FIGN: variants seen among roughly 807,000 people sequenced by gnomAD.
FIGN encodes the protein fidgetin, microtubule severing factor, also known as fidgetin.
Under a neutral mutation model 51.3 loss-of-function variants are expected in FIGN, and 11 were observed. The ratio of observed to expected loss-of-function variants is 0.21; its 90% CI spans 0.13 to 0.35. FIGN has a LOEUF of 0.35. FIGN is among the 10% of genes least tolerant of loss of function. The pLI is 1.00. For synonymous variants in FIGN, 407 were observed against 363.2 expected (o/e 1.12, Z -1.37); for missense variants, 857 against 943.6 (o/e 0.91, Z 1.20).
chr2:163,643,491 A>T (rs1683334489), intron 2 of FIGN, among the ~76,000 whole-genome samples: 1 of 150,142 alleles, frequency 6.7e-6, no homozygotes, highest in Non-Finnish European at 1.5e-5. Context: ...TCTCTACTAA[A>T]TATACAAAAA....
chr2:163,718,815 T>TTA (rs1040983357), intron 2 of FIGN, among the ~76,000 whole-genome samples: 31 of 148,008 alleles, frequency 2.1e-4, no homozygotes, highest in African/African-American at 4.6e-4. Flanking sequence ...AATAAACAGA[T>TTA]TATATATATA....
At chr2:163,694,811 C>T (rs1049590206) in intron 2 of FIGN, among the ~76,000 whole-genome samples, 1 of 152,176 alleles carries the variant, frequency 6.6e-6, no homozygotes, top group South Asian at 2.1e-4. Context: ...TACAGTCCTT[C>T]TTTTCCTTTC....
At chr2:163,638,779 C>CTAA (rs1011255352) in intron 2 of FIGN, among the ~76,000 whole-genome samples, 1 of 152,098 alleles carries the variant, frequency 6.6e-6, no homozygotes, top group East Asian at 1.9e-4. Flanking sequence ...CCTAATCATA[C>CTAA]TAATATTCAT....
intron 2 of FIGN, among the ~76,000 whole-genome samples, chr2:163,617,716 T>C (rs1682903440): frequency 2.0e-5 from 3 of 152,172 alleles, no homozygotes; most frequent in African/African-American, 4.8e-5. Context: ...GCAGCATTGC[T>C]TACATCATCA....
At chr2:163,627,619 T>A (rs1683072825) in intron 2 of FIGN, among the ~76,000 whole-genome samples, 2 of 152,064 alleles carry the variant, frequency 1.3e-5, no homozygotes, top group South Asian at 4.1e-4. Context: ...TCAAAATGAA[T>A]TAGAGCTTAT....
intron 2 of FIGN, among the ~76,000 whole-genome samples, chr2:163,671,648 A>T (rs1381678610): frequency 6.6e-6 from 1 of 152,220 alleles, no homozygotes; most frequent in Non-Finnish European, 1.5e-5. Flanking sequence ...AAGTAACCAA[A>T]AATCAAAATT....
intron 2 of FIGN, among the ~76,000 whole-genome samples, chr2:163,641,601 CA>C (rs1176321765): frequency 6.6e-6 from 1 of 152,170 alleles, no homozygotes; most frequent in African/African-American, 2.4e-5. Flanking sequence ...TAAAAATTCA[CA>C]TACTGGAATA....
Position 163,735,000 on chromosome 2 carries a change from A to T in FIGN, c.-73T>A. ...AATTCCAAAGGTTGCTTTTCATTAA[A>T]GCCACTTTTCCTCTCAGCTATCAAA... On this transcript the variant is annotated 5_prime_UTR_variant, in exon 2 of 3. Transcript: ENST00000333129. 6.5e-7 allele frequency: 1 copy of T among 1,537,320 alleles called. No individual in the cohort carries two copies. The highest frequency in any genetic ancestry group is 8.9e-7 in the Non-Finnish European group (1 of 1,118,484).
chr2:163,703,865 C>T (rs1332069961), intron 2 of FIGN, among the ~76,000 whole-genome samples: 3 of 152,056 alleles, frequency 2.0e-5, no homozygotes, highest in Non-Finnish European at 1.5e-5. Flanking sequence ...CAGTTAATTC[C>T]ACCTAATCAG....
At chr2:163,670,826 C>A (rs1286603172) in intron 2 of FIGN, among the ~76,000 whole-genome samples, 1 of 152,090 alleles carries the variant, frequency 6.6e-6, no homozygotes, top group Non-Finnish European at 1.5e-5. Context: ...TAAAGCAGTT[C>A]TTTTGATATA....
chr2:163,616,899 C>T (rs1682886917), intron 2 of FIGN, among the ~76,000 whole-genome samples: 1 of 152,062 alleles, frequency 6.6e-6, no homozygotes, highest in Non-Finnish European at 1.5e-5. Context: ...AATTCATTGG[C>T]TAAAAATACA....
chr2:163,624,648 G>A (rs1349824767), intron 2 of FIGN, among the ~76,000 whole-genome samples: 1 of 150,390 alleles, frequency 6.6e-6, no homozygotes, highest in Non-Finnish European at 1.5e-5. Flanking sequence ...GCAGTGTCTT[G>A]TAGCTGGATT....
chr2:163,654,802 A>C, intron 2 of FIGN, among the ~76,000 whole-genome samples: 1 of 152,202 alleles, frequency 6.6e-6, no homozygotes, highest in East Asian at 1.9e-4. Context: ...AAAATATCTC[A>C]TGTATACCAT....
intron 2 of FIGN, among the ~76,000 whole-genome samples, chr2:163,726,640 C>T (rs945795991): frequency 9.2e-5 from 14 of 151,930 alleles, no homozygotes; most frequent in African/African-American, 3.4e-4. Flanking sequence ...TAAAGGAATA[C>T]CAAAAGTGTC....
chr2:163,657,127 A>C (rs1232637021), intron 2 of FIGN, among the ~76,000 whole-genome samples: 1 of 152,052 alleles, frequency 6.6e-6, no homozygotes, highest in Non-Finnish European at 1.5e-5. Flanking sequence ...AAAAAAAAAA[A>C]AAACAGAAAT....
rs1331386574 is a variant in FIGN, at chr2:163,607,443, T to C, written c.*2109A>G. The C allele has an allele frequency of 6.6e-6, 1 of 152,378 alleles. No homozygotes were observed. The highest frequency in any genetic ancestry group is 1.9e-4 in the East Asian group (1 of 5,190). The allele number at this position is 152,378 out of a possible 1,614,324, so 9.4% of individuals were successfully genotyped here. On this transcript the variant is annotated 3_prime_UTR_variant, in exon 3 of 3. Coordinates refer to ENST00000333129, the MANE Select transcript of FIGN (RefSeq NM_018086.4). ...TAAATTCTGGTTCAATTGCTCAGTT[T>C]TTAGCAACATAAAAAATAAAAAAAG...
At chr2:163,653,862 T>TA (rs1683517267) in intron 2 of FIGN, among the ~76,000 whole-genome samples, 1 of 152,104 alleles carries the variant, frequency 6.6e-6, no homozygotes, top group Non-Finnish European at 1.5e-5. Flanking sequence ...TAGAGACACT[T>TA]AAAAATTTTT....
intron 2 of FIGN, among the ~76,000 whole-genome samples, chr2:163,732,926 C>A (rs1242279458): frequency 6.6e-6 from 1 of 152,214 alleles, no homozygotes; most frequent in Non-Finnish European, 1.5e-5. Flanking sequence ...AACAGCAGAG[C>A]TGCCAGAGTG....
At chr2:163,627,624 G>A (rs1683072927) in intron 2 of FIGN, among the ~76,000 whole-genome samples, 1 of 151,996 alleles carries the variant, frequency 6.6e-6, no homozygotes, top group Non-Finnish European at 1.5e-5. Context: ...ATGAATTAGA[G>A]CTTATTAATC....
Sources: gnomAD v4.1 joint callset for allele counts (sites outside exome capture counted in the v4.1 genomes callset) on GRCh38, gnomAD v4.1.1 for gene constraint, MANE v1.5 for transcripts, NCBI Gene and HGNC (gene_info 2026-07-23, HGNC 2026-07-21) for gene names.